The following DOCK6 variants were observed in gnomAD, a reference collection of about 807,000 sequenced individuals.
DOCK6 encodes dedicator of cytokinesis 6.
DOCK6 carries 167 observed loss-of-function variants against 230.3 expected under a neutral mutation model. The ratio of observed to expected loss-of-function variants is 0.73; its 90% CI spans 0.64 to 0.82. The LOEUF (loss-of-function observed/expected upper bound fraction) is 0.82, where lower values mean the gene tolerates loss of function less well. Among genes scored for constraint, DOCK6 ranks in the 40% least tolerant of loss-of-function variants. The pLI is 0.00. For missense variants in DOCK6, 2,598 were observed against 2,825.8 expected (o/e 0.92, Z 1.83); for synonymous variants, 1,148 against 1,185.0 (o/e 0.97, Z 0.64).
intron 37 of DOCK6, among the ~76,000 whole-genome samples, chr19:11,211,101 T>C (rs927822666): frequency 3.3e-5 from 5 of 150,688 alleles, no homozygotes; most frequent in Admixed American, 3.3e-4. Flanking sequence ...GCTTCCTCTA[T>C]TCACCTGTCT....
chr19:11,251,820 G>C, intron 5 of DOCK6: 1 of 366,288 alleles, frequency 2.7e-6, no homozygotes, highest in Non-Finnish European at 5.0e-6. Context: ...AATGTTGATT[G>C]ACAAAATACA....
intron 39 of DOCK6, among the ~76,000 whole-genome samples, chr19:11,207,956 A>G (rs1326868610): frequency 2.0e-5 from 3 of 151,064 alleles, no homozygotes; most frequent in Non-Finnish European, 3.0e-5. Flanking sequence ...GAAAAAATAT[A>G]TATAATAATT....
At chr19:11,255,082 C>A (rs972159798) in intron 1 of DOCK6, among the ~76,000 whole-genome samples, 3 of 151,612 alleles carry the variant, frequency 2.0e-5, no homozygotes, top group Admixed American at 1.3e-4. Flanking sequence ...CGGCTCACTG[C>A]AACACCTGCT....
chr19:11,232,426 G>A (rs981791568), intron 22 of DOCK6: 4 of 563,480 alleles, frequency 7.1e-6, no homozygotes, highest in African/African-American at 2.0e-5. Flanking sequence ...AAATGTGCAC[G>A]TGTATATAGG....
Position 11,228,969 on chromosome 19 carries a change from G to C in DOCK6, c.2785C>G (p.Gln929Glu). The change falls in exon 23 of 48, where the codon CAG becomes GAG. Residue 929 changes from glutamine (Q) to glutamate (E), a missense_variant. Transcript: ENST00000294618. ...SSSAVREAILQHAWFFFQLMV... is the reference protein window; with the variant it reads ...SSSAVREAILEHAWFFFQLMV... ...AGCTGGAAGAAGAACCAGGCGTGCT[G>C]GAGGATGGCCTCGCGTACGGCACTG... The C allele has an allele frequency of 6.2e-7, 1 of 1,613,666 alleles. No individual in the cohort carries two copies. The highest frequency in any genetic ancestry group is 8.5e-7 in the Non-Finnish European group (1 of 1,179,792).
Position 11,222,971 on chromosome 19 carries a change from C to A in DOCK6, c.3069+22G>T, listed in dbSNP as rs1322629955. ...CCGCCTTCCATCCATGCCATGCCCA[C>A]CCTGCCCACGCCCACTCCTACCTGC... On this transcript the variant is annotated intron_variant, in intron 25 of 47. Transcript: ENST00000294618. The surrounding 1 kb of genome is among the most constrained non-coding windows in gnomAD (Gnocchi z 4.0). 1.9e-6 allele frequency: 3 copies of A among 1,613,788 alleles called. No individual in the cohort carries two copies. The highest frequency in any genetic ancestry group is 2.7e-5 in the African/African-American group (2 of 75,026).
Position 11,209,022 on chromosome 19 carries a change from GC to G in DOCK6, c.4832del (p.Gly1611AlafsTer45). ...QNMAGKHAELGNHAEAAQCMV... is the reference protein window; with the variant it reads ...QNMAGKHAELXNHAEAAQCMV... ...TGCACTGGGCGGCCTCGGCGTGGTT[GC>G]CCAGCTCCGCGTGCTTCCCGGCCAT... is the stretch of plus-strand genomic sequence containing the variant. On this transcript the variant is annotated frameshift_variant, in exon 38 of 48. Coordinates refer to ENST00000294618, the MANE Select transcript of DOCK6 (RefSeq NM_020812.4). LOFTEE classifies it high-confidence loss of function. 6.2e-7 allele frequency: 1 copy of G among 1,611,908 alleles called. No homozygotes were observed. Among genetic ancestry groups the G allele is most frequent in the East Asian group, 2.2e-5 (1 of 44,854 alleles).
Position 11,223,097 on chromosome 19 carries a change from G to A in DOCK6, c.2965C>T (p.Leu989=). 6.2e-7 allele frequency: 1 copy of A among 1,613,156 alleles called. No individual in the cohort carries two copies. The highest frequency in any genetic ancestry group is 8.5e-7 in the Non-Finnish European group (1 of 1,179,602). Reference sequence around the variant, plus strand: ...AGGCTGGCGTTGAGGTGCTCGGCCAGCTCCACATCCTGGGGACACAGGTGC... The same window carrying A: ...AGGCTGGCGTTGAGGTGCTCGGCCAACTCCACATCCTGGGGACACAGGTGC... ...VITRVHKDVE[L]AEHLNASLAF... is the part of the protein sequence containing the mutation. The change falls in exon 25 of 48, where the codon CTG becomes TTG. Residue 989 remains leucine (L), a synonymous_variant. Transcript: ENST00000294618.
chr19:11,239,711 G>T (rs1325157074), intron 14 of DOCK6: 2 of 1,613,618 alleles, frequency 1.2e-6, no homozygotes, highest in Admixed American at 3.3e-5. Flanking sequence ...GCCCCCATGG[G>T]CGGCCCAGAA....
chr19:11,248,168 G>C lies in DOCK6; in HGVS notation c.721-17C>G, dbSNP rs764646067. The C allele has an allele frequency of 6.5e-7, 1 of 1,529,116 alleles. No homozygotes were observed. The highest frequency in any genetic ancestry group is 9.0e-7 in the Non-Finnish European group (1 of 1,108,980). 94.7% of individuals were successfully genotyped at this position (1,529,116 alleles called of 1,614,324 possible). A position where few individuals can be genotyped will look rare whatever the true frequency, so the allele number is the denominator to read the frequency against. On this transcript the variant is annotated splice_polypyrimidine_tract_variant and intron_variant, in intron 6 of 47. Coordinates refer to ENST00000294618, the MANE Select transcript of DOCK6 (RefSeq NM_020812.4). ...GGCTTCATCCTGCCAAGAGTGGGGG[G>C]TGGGAGCTGGGCGGGAGGAGCTGGG...
intron 18 of DOCK6, 124 bp downstream of exon 18, chr19:11,237,332 C>T: frequency 3.2e-5 from 32 of 985,892 alleles, no homozygotes; most frequent in South Asian, 1.1e-4. Context: ...ATGAGCTACA[C>T]GGGGGCCCTG....
In DOCK6 at chr19:11,243,467, G is replaced by A. The variant is rs1717094116; in HGVS notation, c.1259-82C>T. On this transcript the variant is annotated intron_variant, in intron 11 of 47. Transcript: ENST00000294618. This position sits in a 1 kb window ranked among gnomAD's most constrained non-coding sequence, Gnocchi z 6.3. ...GGGGCGGCACAGTTCGGCCAGCAGAGGGCGCACCCCCTCGCCCCGTAGCCC... is the reference window on the plus strand; with the variant it reads ...GGGGCGGCACAGTTCGGCCAGCAGAAGGCGCACCCCCTCGCCCCGTAGCCC... 6 of 1,551,576 alleles carry A rather than the reference G, an allele frequency of 3.9e-6. No homozygotes were observed. The highest frequency in any genetic ancestry group is 5.2e-6 in the Non-Finnish European group (6 of 1,149,944).
chr19:11,217,094 A>G lies in DOCK6; in HGVS notation c.3714T>C (p.Ala1238=). 1 of 1,611,168 alleles carries G rather than the reference A, an allele frequency of 6.2e-7. No homozygotes were observed. The highest frequency in any genetic ancestry group is 8.5e-7 in the Non-Finnish European group (1 of 1,178,882). The change falls in exon 30 of 48, where the codon GCT becomes GCC. Residue 1238 remains alanine, a splice_region_variant and synonymous_variant. Transcript: ENST00000294618. ...CAGAGAGGGCACAGCCTGCGCGAGA[A>G]GCCTGGGGCCAGAGAGGAATCAAAG... ...RASISQGPPT[A]SRAGCALSAE...
intron 1 of DOCK6, among the ~76,000 whole-genome samples, chr19:11,256,677 A>C (rs7258016): frequency 0.21 from 32,414 of 151,986 alleles, 3,712 homozygotes; most frequent in East Asian, 0.39. Context: ...TTTTTAAAAA[A>C]ATTTTATTTA....
intron 39 of DOCK6, among the ~76,000 whole-genome samples, chr19:11,204,602 C>T (rs1284910815): frequency 2.6e-5 from 4 of 152,204 alleles, no homozygotes; most frequent in South Asian, 2.1e-4. Flanking sequence ...TGTAGTGGTA[C>T]AATCATAGCT....
At chr19:11,240,058 C>G in intron 14 of DOCK6, 1 of 1,547,362 alleles carries the variant, frequency 6.5e-7, no homozygotes, top group Non-Finnish European at 8.7e-7. Context: ...AGATTTTCAG[C>G]GATAAACTCA....
rs751238953 is a variant in DOCK6 at position 11,202,685 on chromosome 19, C to T, written c.5260G>A (p.Val1754Met). 51 of 1,613,852 alleles carry T rather than the reference C, an allele frequency of 3.2e-5. No homozygotes were observed. The highest frequency in any genetic ancestry group is 4.0e-5 in the African/African-American group (3 of 74,946). Residue 1754 changes from valine (V) to methionine (M), a missense_variant, in exon 42 of 48, where the codon GTG (valine) becomes ATG (methionine). Coordinates refer to ENST00000294618, the MANE Select transcript of DOCK6 (RefSeq NM_020812.4). The surrounding 1 kb of genome is among the most constrained non-coding windows in gnomAD (Gnocchi z 5.3). ...WERVFGTYFR[V>M]GFYGAHFGDL... The stretch of plus-strand genomic sequence containing the variant: ...CCGAAGTGGGCGCCGTAGAAGCCCA[C>T]GCGGAAATACGTCCCGAACACGCGC...
At chr19:11,203,959 A>G in intron 41 of DOCK6, 122 bp downstream of exon 41, 1 of 1,331,094 alleles carries the variant, frequency 7.5e-7, no homozygotes, top group Non-Finnish European at 1.0e-6. Flanking sequence ...TTGTGGCCAC[A>G]GCCCCAGCCC....
chr19:11,246,072 T>G (rs1356267955), intron 7 of DOCK6, among the ~76,000 whole-genome samples, 194 bp from the exon 8 acceptor site: 1 of 143,434 alleles, frequency 7.0e-6, no homozygotes, highest in Non-Finnish European at 1.5e-5. Flanking sequence ...TTTTTGTTGG[T>G]TTTTTTTTTT....
Sources: gnomAD v4.1 joint callset for allele counts (sites outside exome capture counted in the v4.1 genomes callset) on GRCh38, gnomAD v4.1.1 for gene constraint, Gnocchi (gnomAD v3.1) non-coding constraint, MANE v1.5 for transcripts, NCBI Gene and HGNC (gene_info 2026-07-23, HGNC 2026-07-21) for gene names.